The following FBRSL1 variants were observed in gnomAD, a reference collection of about 807,000 sequenced individuals.
FBRSL1 encodes the protein fibrosin like 1, also known as fibrosin-1-like protein.
FBRSL1 carries 51 observed loss-of-function variants against 89.6 expected under a neutral mutation model. That is an observed-to-expected ratio of 0.57 (90% confidence interval 0.45 to 0.72). The LOEUF (loss-of-function observed/expected upper bound fraction) is 0.72, where lower values mean the gene tolerates loss of function less well. Among genes scored for constraint, FBRSL1 ranks in the 30% least tolerant of loss-of-function variants. The pLI is 0.00. For missense variants in FBRSL1, 1,618 were observed against 1,451.8 expected (o/e 1.11, Z -1.86); for synonymous variants, 779 against 681.1 (o/e 1.14, Z -2.24).
intron 2 of FBRSL1, chr12:132,509,443 G>A (rs1270444080): frequency 7.3e-6 from 9 of 1,240,684 alleles, no homozygotes; most frequent in Admixed American, 8.4e-5. Flanking sequence ...CGGCCCCAGC[G>A]GCTCCTTCCA....
intron 9 of FBRSL1, chr12:132,571,626 G>A (rs540622439): frequency 4.8e-6 from 4 of 840,110 alleles, no homozygotes; most frequent in East Asian, 4.0e-5. Context: ...CAGCCCAGGA[G>A]GAGGTGGGGG....
intron 2 of FBRSL1, among the ~76,000 whole-genome samples, chr12:132,515,564 A>G (rs1201314862): frequency 1.3e-5 from 2 of 151,670 alleles, no homozygotes; most frequent in African/African-American, 2.4e-5. Flanking sequence ...TTGTAAACCT[A>G]TAAAGGAAAG....
rs1013862791 is a variant in FBRSL1 at position 132,499,201 on chromosome 12, C to A, written c.291+8340C>A. ...TGCTGCACAGTGGAGCCTCCAGGGCCGGCCAGGCAGGGATGGTGCCGGGCA... is the reference window on the plus strand; with the variant it reads ...TGCTGCACAGTGGAGCCTCCAGGGCAGGCCAGGCAGGGATGGTGCCGGGCA... On this transcript the variant is annotated intron_variant, in intron 1 of 18. Coordinates refer to ENST00000680143, the MANE Select transcript of FBRSL1 (RefSeq NM_001367871.1). The surrounding 1 kb of genome is among the most constrained non-coding windows in gnomAD (Gnocchi z 4.3). 6.6e-6 allele frequency among the ~76,000 whole-genome samples: 1 copy of A among 152,150 alleles called. No homozygotes were observed. The highest frequency in any genetic ancestry group is 2.4e-5 in the African/African-American group (1 of 41,432).
chr12:132,514,809 A>G (rs2034688684), intron 2 of FBRSL1, among the ~76,000 whole-genome samples: 1 of 152,240 alleles, frequency 6.6e-6, no homozygotes, highest in Admixed American at 6.5e-5. Flanking sequence ...AGCCACATAT[A>G]GAGTTAAGAA....
intron 2 of FBRSL1, among the ~76,000 whole-genome samples, chr12:132,524,326 T>C (rs975312469): frequency 6.6e-6 from 1 of 152,216 alleles, no homozygotes; most frequent in Admixed American, 6.5e-5. Flanking sequence ...TCCTCCAGTG[T>C]GGGTGCCTGC....
intron 1 of FBRSL1, among the ~76,000 whole-genome samples, chr12:132,497,130 C>A (rs1417928993): frequency 6.6e-6 from 1 of 152,238 alleles, no homozygotes; most frequent in African/African-American, 2.4e-5. Context: ...GGGAACTTTT[C>A]ATTTTTTTCT....
intron 1 of FBRSL1, among the ~76,000 whole-genome samples, chr12:132,504,813 G>C (rs999921347): frequency 6.6e-6 from 1 of 152,272 alleles, no homozygotes; most frequent in East Asian, 1.9e-4. Flanking sequence ...CAACTCATGG[G>C]GTCCTGTTTG....
At position 132,582,093 on chromosome 12, in the gene FBRSL1, G is replaced by A. The variant is rs929961088; in HGVS notation, c.2028G>A (p.Glu676=). The A allele has an allele frequency of 6.5e-7, 1 of 1,549,068 alleles. No homozygotes were observed. Among genetic ancestry groups the A allele is most frequent in the African/African-American group, 1.4e-5 (1 of 73,144 alleles). The stretch of plus-strand genomic sequence containing the variant: ...GTGGCAGCATCTTTGCCCCCAAGGA[G>A]GGCTCCTCCGTGCACGGCCTGCCCA... ...APGGSIFAPK[E]GSSVHGLPSP... The change falls in exon 18 of 19, where the codon GAG becomes GAA. Residue 676 remains glutamate (E), a synonymous_variant. Transcript: ENST00000680143.
At chr12:132,496,136 G>T (rs2031986372) in intron 1 of FBRSL1, among the ~76,000 whole-genome samples, 1 of 152,276 alleles carries the variant, frequency 6.6e-6, no homozygotes, top group South Asian at 2.1e-4. Context: ...CCTGGTGCCG[G>T]CTGCCCTTTG....
intron 14 of FBRSL1, among the ~76,000 whole-genome samples, chr12:132,575,732 A>G (rs1363647368): frequency 2.0e-5 from 3 of 152,254 alleles, no homozygotes; most frequent in Admixed American, 1.3e-4. Flanking sequence ...GAGAGGGCGC[A>G]CACAGGGTCT....
intron 4 of FBRSL1, among the ~76,000 whole-genome samples, chr12:132,537,747 G>A (rs149274290): frequency 2.0e-5 from 3 of 152,358 alleles, no homozygotes; most frequent in African/African-American, 7.2e-5. Flanking sequence ...TGGGGCAACA[G>A]GCAATGCGGA....
chr12:132,535,914 CATG>C (rs72310114), intron 4 of FBRSL1, among the ~76,000 whole-genome samples: 1,581 of 139,412 alleles, frequency 0.011, 43 homozygotes, highest in East Asian at 0.11. Context: ...CACGTGTGTC[CATG>C]ATGGTGTGTG....
chr12:132,532,010 C>T (rs545118830), intron 4 of FBRSL1, among the ~76,000 whole-genome samples: 120 of 152,322 alleles, frequency 7.9e-4, no homozygotes, highest in African/African-American at 2.5e-3. Context: ...CTGACTCCAG[C>T]GTGGCAGGGG....
In FBRSL1 at chr12:132,567,541, TCGGCCCAGCTCCTGGGC is replaced by T; in HGVS notation, c.691+17_691+33del. On this transcript the variant is annotated intron_variant, in intron 6 of 18. Coordinates refer to ENST00000680143, the MANE Select transcript of FBRSL1 (RefSeq NM_001367871.1). ...AACCGATAAAGGTAAGTGGGTCCCC[TCGGCCCAGCTCCTGGGC>T]CTCTGAAGAGACACAATGCGCCCTG... 1.9e-6 allele frequency: 3 copies of T among 1,550,670 alleles called. No homozygotes were observed. The highest frequency in any genetic ancestry group is 2.6e-6 in the Non-Finnish European group (3 of 1,146,700).
rs148566343 is a variant in FBRSL1, at chr12:132,538,144, G to A, written c.616-9859G>A. ...CCGGTCCCTGGGGCCAGGCCTGGGAGGGAGTTAGTTTGATTCATAGGAGGT... is the reference window on the plus strand; with the variant it reads ...CCGGTCCCTGGGGCCAGGCCTGGGAAGGAGTTAGTTTGATTCATAGGAGGT... On this transcript the variant is annotated intron_variant, in intron 4 of 18. Coordinates refer to ENST00000680143, the MANE Select transcript of FBRSL1 (RefSeq NM_001367871.1). 7.9e-3 allele frequency among the ~76,000 whole-genome samples: 1,201 copies of A among 152,326 alleles called. 37 individuals are homozygous for A. Among genetic ancestry groups the A allele is most frequent in the Admixed American group, 0.049 (754 of 15,300 alleles).
At chr12:132,563,851 GAC>G (rs2039363526) in intron 5 of FBRSL1, among the ~76,000 whole-genome samples, 1 of 50,856 alleles carries the variant, frequency 2.0e-5, no homozygotes, top group Non-Finnish European at 3.1e-5. Context: ...CCCTCCGGCT[GAC>G]ACATACCTAC....
chr12:132,561,252 C>T (rs1243163080), intron 5 of FBRSL1, among the ~76,000 whole-genome samples: 7 of 152,154 alleles, frequency 4.6e-5, no homozygotes, highest in South Asian at 2.1e-4. Flanking sequence ...CCCACTGTGG[C>T]GTGACCAGAA....
chr12:132,583,865 G>T lies in FBRSL1; in HGVS notation c.*87G>T. The T allele has an allele frequency of 1.2e-6, 1 of 810,620 alleles. No homozygotes were observed. Among genetic ancestry groups the T allele is most frequent in the Non-Finnish European group, 1.6e-6 (1 of 637,328 alleles). The allele number at this position is 810,620 out of a possible 1,614,324, so 50.2% of individuals were successfully genotyped here. A position where few individuals can be genotyped will look rare whatever the true frequency, so the allele number is the denominator to read the frequency against. ...CTAGAACTCAAGCACAGCTCCCGCCGATCCTGGGGCGGCGCCGCCTCTCCA... is the reference window on the plus strand; with the variant it reads ...CTAGAACTCAAGCACAGCTCCCGCCTATCCTGGGGCGGCGCCGCCTCTCCA... On this transcript the variant is annotated 3_prime_UTR_variant, in exon 19 of 19. Coordinates refer to ENST00000680143, the MANE Select transcript of FBRSL1 (RefSeq NM_001367871.1).
At chr12:132,548,119 C>A in intron 5 of FBRSL1, 87 bp downstream of exon 5, 1 of 1,479,946 alleles carries the variant, frequency 6.8e-7, no homozygotes, top group South Asian at 1.2e-5. Context: ...CCCTGGAGAC[C>A]AGGCAGAAGA....
Sources: gnomAD v4.1 joint callset for allele counts (sites outside exome capture counted in the v4.1 genomes callset) on GRCh38, gnomAD v4.1.1 for gene constraint, Gnocchi (gnomAD v3.1) non-coding constraint, MANE v1.5 for transcripts, NCBI Gene and HGNC (gene_info 2026-07-23, HGNC 2026-07-21) for gene names.